TTLL12: variants seen among roughly 807,000 people sequenced by gnomAD.
The protein encoded by TTLL12 is tubulin--tyrosine ligase-like protein 12.
TTLL12 carries 77 observed loss-of-function variants against 79.6 expected under a neutral mutation model. That is an observed-to-expected ratio of 0.97 (90% CI 0.81 to 1.17). The LOEUF is 1.17. Among genes scored for constraint, TTLL12 ranks in the 50% most tolerant of loss-of-function variants. The pLI is 0.00. For missense variants in TTLL12, 969 were observed against 895.9 expected (o/e 1.08, Z -1.04); for synonymous variants, 437 against 376.1 (o/e 1.16, Z -1.87).
chr22:43,172,378 T>C (rs1931788011), intron 10 of TTLL12, 25 bp downstream of exon 10: 2 of 1,612,484 alleles, frequency 1.2e-6, no homozygotes. Flanking sequence ...TCCCCGACCC[T>C]GGACCCAGCC....
intron 3 of TTLL12, among the ~76,000 whole-genome samples, chr22:43,180,358 A>G (rs996559126): frequency 6.6e-6 from 1 of 152,160 alleles, no homozygotes; most frequent in Non-Finnish European, 1.5e-5. Flanking sequence ...CATCTAAGCT[A>G]AAATCATGAG....
chr22:43,170,010 A>AGCACC, intron 11 of TTLL12: 1 of 394,636 alleles, frequency 2.5e-6, no homozygotes, highest in Non-Finnish European at 5.1e-6. Flanking sequence ...GCACCAGCTC[A>AGCACC]AGAGTGCTTG....
Position 43,185,274 on chromosome 22 carries a change from T to C in TTLL12, c.177+1619A>G, listed in dbSNP as rs1370511536. On this transcript the variant is annotated intron_variant, in intron 1 of 13. Coordinates refer to ENST00000216129, the MANE Select transcript of TTLL12 (RefSeq NM_015140.4). ...ATATATATATATATATATATATATA[T>C]ATATATATATATATATATATATATA... is the stretch of plus-strand genomic sequence containing the variant. 7.8e-5 allele frequency among the ~76,000 whole-genome samples: 3 copies of C among 38,352 alleles called. No individual in the cohort carries two copies. In the Admixed American group the frequency reaches 9.4e-4, roughly 12 times the overall value. The allele number at this position is 38,352 out of a possible 152,430, so 25.2% of individuals were successfully genotyped here.
Position 43,167,519 on chromosome 22 carries a change from G to T in TTLL12, c.*489C>A, listed in dbSNP as rs1023560491. 2 of 208,434 alleles carry T rather than the reference G, an allele frequency of 9.6e-6. No individual in the cohort carries two copies. Among genetic ancestry groups the T allele is most frequent in the East Asian group, 2.8e-4 (2 of 7,036 alleles). The allele number at this position is 208,434 out of a possible 1,614,324, so 12.9% of individuals were successfully genotyped here. On this transcript the variant is annotated 3_prime_UTR_variant, in exon 14 of 14. Coordinates refer to ENST00000216129, the MANE Select transcript of TTLL12 (RefSeq NM_015140.4). ...TGTGGGGCCCCACAGCCGTCCCGGG[G>T]TCGTCCTGATGCATAAGAGCAGAGA...
intron 8 of TTLL12, 130 bp from the exon 9 acceptor site, chr22:43,173,956 C>G: frequency 2.1e-6 from 2 of 954,444 alleles, no homozygotes; most frequent in South Asian, 1.6e-5. Context: ...AGAGAGCTGT[C>G]AGAGGCAGGG....
rs1398457638 is a variant in TTLL12 at position 43,171,886 on chromosome 22, T to C, written c.1508A>G (p.Asn503Ser). 1.1e-5 allele frequency: 17 copies of C among 1,614,124 alleles called. No homozygotes were observed. In the East Asian group the frequency reaches 3.3e-4, roughly 32 times the overall value. ...LRFSNRAFALNDLDDYEKHFT... is the reference protein window; with the variant it reads ...LRFSNRAFALSDLDDYEKHFT... Reference sequence around the variant, plus strand: ...GTGCTTCTCGTAGTCATCCAGGTCGTTGAGTGCAAAGGCCCTGGAAGACAA... The same window carrying C: ...GTGCTTCTCGTAGTCATCCAGGTCGCTGAGTGCAAAGGCCCTGGAAGACAA... The change falls in exon 11 of 14, where the codon AAC becomes AGC. Residue 503 changes from asparagine (N) to serine (S), a missense_variant. Coordinates refer to ENST00000216129, the MANE Select transcript of TTLL12 (RefSeq NM_015140.4).
At chr22:43,177,510 G>A (rs564438242) in intron 5 of TTLL12, among the ~76,000 whole-genome samples, 2 of 152,326 alleles carry the variant, frequency 1.3e-5, no homozygotes, top group Admixed American at 1.3e-4. Flanking sequence ...AGGTGGAAGG[G>A]ACAGGGTTGC....
At chr22:43,178,164 C>T (rs1326427675) in intron 5 of TTLL12, among the ~76,000 whole-genome samples, 1 of 152,114 alleles carries the variant, frequency 6.6e-6, no homozygotes, top group African/African-American at 2.4e-5. Flanking sequence ...TTGTAAGCAC[C>T]CTTTGAACCA....
chr22:43,177,445 A>T (rs1246188934), intron 5 of TTLL12, among the ~76,000 whole-genome samples: 1 of 152,198 alleles, frequency 6.6e-6, no homozygotes, highest in Non-Finnish European at 1.5e-5. Flanking sequence ...GCAGAGCCGC[A>T]TCCATCTCTG....
intron 1 of TTLL12, among the ~76,000 whole-genome samples, chr22:43,186,204 A>G (rs940680847): frequency 1.2e-5 from 1 of 86,346 alleles, no homozygotes; most frequent in Non-Finnish European, 2.7e-5. Context: ...CCCCCCCGCC[A>G]GCCCGGGAAG....
At chr22:43,181,920 G>A (rs925114444) in intron 2 of TTLL12, among the ~76,000 whole-genome samples, 8 of 151,458 alleles carry the variant, frequency 5.3e-5, no homozygotes, top group African/African-American at 1.9e-4. Context: ...TGCAACAAGG[G>A]GTGTTGTACA....
rs107402 is a variant in TTLL12 at position 43,167,705 on chromosome 22, A to G, written c.*303T>C. The G allele has an allele frequency of 0.79, 205,766 of 260,422 alleles. 82,680 individuals are homozygous for G. The highest frequency in any genetic ancestry group is 0.94 in the East Asian group (12,094 of 12,818). 16.1% of individuals were successfully genotyped at this position (260,422 alleles called of 1,614,324 possible). On this transcript the variant is annotated 3_prime_UTR_variant, in exon 14 of 14. Transcript: ENST00000216129. Reference sequence around the variant, plus strand: ...GGAACAAATTCTCCATGCCAGGAACAAAGCCCTTGGCTAAACTGGAGACTC... The same window carrying G: ...GGAACAAATTCTCCATGCCAGGAACGAAGCCCTTGGCTAAACTGGAGACTC...
At chr22:43,174,106 A>G in intron 8 of TTLL12, 103 bp downstream of exon 8, 2 of 1,437,782 alleles carry the variant, frequency 1.4e-6, no homozygotes, top group South Asian at 2.6e-5. Context: ...CGGCTCCTGC[A>G]CCACGGTTTC....
At chr22:43,186,304 C>G (rs1264700448) in intron 1 of TTLL12, among the ~76,000 whole-genome samples, 1 of 150,624 alleles carries the variant, frequency 6.6e-6, no homozygotes, top group Admixed American at 6.8e-5. Flanking sequence ...GTGGAGGAGG[C>G]AGGTGAGCCG....
intron 6 of TTLL12, among the ~76,000 whole-genome samples, chr22:43,175,063 G>T (rs1045727227): frequency 6.6e-6 from 1 of 152,228 alleles, no homozygotes; most frequent in Non-Finnish European, 1.5e-5. Context: ...CAAGACTCAC[G>T]TCTCAGCAAG....
At chr22:43,185,920 G>C in intron 1 of TTLL12, 10 of 976,682 alleles carry the variant, frequency 1.0e-5, no homozygotes, top group Non-Finnish European at 9.7e-6. Context: ...AGGGGCAGAG[G>C]AAACTCTCTG....
intron 5 of TTLL12, among the ~76,000 whole-genome samples, chr22:43,178,632 A>C (rs1389679768): frequency 2.0e-5 from 3 of 151,596 alleles, no homozygotes; most frequent in Non-Finnish European, 4.4e-5. Flanking sequence ...CCACGCGCCC[A>C]CTCTCACATG....
intron 11 of TTLL12, among the ~76,000 whole-genome samples, chr22:43,171,164 A>G (rs1170560772): frequency 6.6e-6 from 1 of 152,154 alleles, no homozygotes; most frequent in Non-Finnish European, 1.5e-5. Context: ...GAGGCCTTCC[A>G]GGACTTCCTT....
At chr22:43,174,105 C>A in intron 8 of TTLL12, 104 bp downstream of exon 8, 2 of 1,432,922 alleles carry the variant, frequency 1.4e-6, no homozygotes, top group African/African-American at 1.4e-5. Context: ...TCGGCTCCTG[C>A]ACCACGGTTT....
Sources: allele counts gnomAD v4.1 joint callset (sites outside exome capture counted in the v4.1 genomes callset), GRCh38; gene constraint gnomAD v4.1.1; transcripts MANE v1.5; gene names NCBI Gene and HGNC (gene_info 2026-07-23, HGNC 2026-07-21).